Variants in USP6NL observed in about 807,000 individuals in gnomAD.
USP6NL encodes USP6 N-terminal-like protein.
In USP6NL, 26 loss-of-function variants were observed where a neutral mutation model predicts 61.9. The observed-to-expected ratio is 0.42, with a 90% CI of 0.31 to 0.58. The LOEUF (loss-of-function observed/expected upper bound fraction) is 0.58. Among genes scored for constraint, USP6NL ranks in the 20% least tolerant of loss-of-function variants. The pLI, the probability that USP6NL is intolerant of heterozygous loss-of-function variation, is 0.16. For synonymous variants in USP6NL, 432 were observed against 390.1 expected, an observed-to-expected ratio of 1.11 and a Z score of -1.27; for missense variants, 1,114 against 1,034.3, an observed-to-expected ratio of 1.08 and a Z score of -1.06.
rs2133380571 is a variant in USP6NL, at chr10:11,520,113, T to TA, written c.156-1540dup. Among the ~76,000 whole-genome samples, 1 of 152,352 alleles carries TA rather than the reference T, an allele frequency of 6.6e-6. No individual in the cohort carries two copies. Among genetic ancestry groups the TA allele is most frequent in the Admixed American group, 6.5e-5 (1 of 15,308 alleles). ...AGATAATACAACTAACATTTTCACT[T>TA]AGTCGAGAGACTTTTAGCACTAATT... is the stretch of plus-strand genomic sequence containing the variant. On this transcript the variant is annotated intron_variant, in intron 4 of 14. Coordinates refer to ENST00000609104, the MANE Select transcript of USP6NL (RefSeq NM_014688.5). This position sits in a 1 kb window ranked among gnomAD's most constrained non-coding sequence, Gnocchi z 5.2.
At position 11,489,897 on chromosome 10, in the gene USP6NL, C is replaced by G. The variant is rs922812824; in HGVS notation, c.544-675G>C. On this transcript the variant is annotated intron_variant, in intron 9 of 14. Coordinates refer to ENST00000609104, the MANE Select transcript of USP6NL (RefSeq NM_014688.5). This position sits in a 1 kb window ranked among gnomAD's most constrained non-coding sequence, Gnocchi z 5.7. The stretch of plus-strand genomic sequence containing the variant: ...CTGGAACAGAATGCTCACAATGAAT[C>G]TGTGGGTGCAATCTGAGCCGCAGTA... Among the ~76,000 whole-genome samples the G allele has an allele frequency of 6.6e-6, 1 of 152,232 alleles. No homozygotes were observed. The highest frequency in any genetic ancestry group is 6.5e-5 in the Admixed American group (1 of 15,294).
intron 13 of USP6NL, among the ~76,000 whole-genome samples, chr10:11,483,719 C>T (rs1411011682): frequency 9.7e-6 from 1 of 103,508 alleles, no homozygotes; most frequent in Non-Finnish European, 2.0e-5. Context: ...TGTTGGGGGG[C>T]CGGTGCGGGG....
chr10:11,485,975 A>G lies in USP6NL; in HGVS notation c.665-64T>C, dbSNP rs1215082042. On this transcript the variant is annotated intron_variant, in intron 10 of 14. Coordinates refer to ENST00000609104, the MANE Select transcript of USP6NL (RefSeq NM_014688.5). This position sits in a 1 kb window ranked among gnomAD's most constrained non-coding sequence, Gnocchi z 4.8. Reference sequence around the variant, plus strand: ...ACCAACAAAACCCTCCAATCTTAAAACACAACATATTTCATTTGTAACTGT... The same window carrying G: ...ACCAACAAAACCCTCCAATCTTAAAGCACAACATATTTCATTTGTAACTGT... 2 of 1,095,276 alleles carry G rather than the reference A, an allele frequency of 1.8e-6. No individual in the cohort carries two copies. The highest frequency in any genetic ancestry group is 2.6e-6 in the Non-Finnish European group (2 of 775,384). The allele number at this position is 1,095,276 out of a possible 1,614,324, so 67.8% of individuals were successfully genotyped here.
chr10:11,542,599 G>C (rs994956468), intron 2 of USP6NL, among the ~76,000 whole-genome samples: 37 of 152,228 alleles, frequency 2.4e-4, no homozygotes, highest in Non-Finnish European at 4.7e-4. Flanking sequence ...GGTGCCTGTA[G>C]TGCCAGCTAG....
At position 11,518,567 on chromosome 10, in the gene USP6NL, C is replaced by A. The variant is rs568746348; in HGVS notation, c.163G>T (p.Glu55Ter). The change falls in exon 5 of 15, where the codon GAG becomes TAG. Residue 55 changes from glutamate (E) to a stop codon, truncating the protein, a stop_gained. Transcript: ENST00000609104. LOFTEE classifies it high-confidence loss of function. The surrounding 1 kb of genome is among the most constrained non-coding windows in gnomAD (Gnocchi z 5.3). ...TDRFGFLHEE[E>*]LPDHNVAVER... ...ACAGCCACATTATGATCTGGGAGCT[C>A]CTCCTCACTGCAGAGGAAAAACAGT... is the stretch of plus-strand genomic sequence containing the variant. 69 of 1,612,516 alleles carry A rather than the reference C, an allele frequency of 4.3e-5. No individual in the cohort carries two copies. In the Middle Eastern group the frequency reaches 8.3e-4, roughly 19 times the overall value.
In USP6NL at chr10:11,462,802, C is replaced by G. The variant is rs775024695; in HGVS notation, c.2126G>C (p.Gly709Ala). The G allele has an allele frequency of 5.0e-6, 8 of 1,613,978 alleles. No individual in the cohort carries two copies. Among genetic ancestry groups the G allele is most frequent in the Middle Eastern group, 1.6e-4 (1 of 6,062 alleles). ...EVLPVDTGAGGYSGNSGSPKN... is the reference protein window; with the variant it reads ...EVLPVDTGAGAYSGNSGSPKN... The stretch of plus-strand genomic sequence containing the variant: ...TGGTGACCCTGAATTGCCCGAATAT[C>G]CCCCAGCACCAGTGTCAACAGGGAG... Residue 709 changes from glycine (G) to alanine (A), a missense_variant, in exon 15 of 15, where the codon GGA (glycine) becomes GCA (alanine). Transcript: ENST00000609104.
At chr10:11,546,816 C>T (rs541159524) in intron 2 of USP6NL, among the ~76,000 whole-genome samples, 5 of 152,176 alleles carry the variant, frequency 3.3e-5, no homozygotes, top group African/African-American at 7.2e-5. Flanking sequence ...AGTTAATTGC[C>T]TACTTCCTTT....
rs1197820176 is a variant in USP6NL at position 11,489,080 on chromosome 10, A to T, written c.664+22T>A. 1.9e-6 allele frequency: 3 copies of T among 1,611,902 alleles called. No individual in the cohort carries two copies. The highest frequency in any genetic ancestry group is 3.3e-5 in the Admixed American group (2 of 59,742). On this transcript the variant is annotated intron_variant, in intron 10 of 14. Transcript: ENST00000609104. This position sits in a 1 kb window ranked among gnomAD's most constrained non-coding sequence, Gnocchi z 5.7. ...TTTTTTCCCTACCTTGATTGTTTAG[A>T]TAAAGCACAGGGTTTTCTTACCATG...
chr10:11,569,853 GCTT>G (rs1177174521), intron 2 of USP6NL, among the ~76,000 whole-genome samples: 1 of 152,186 alleles, frequency 6.6e-6, no homozygotes, highest in Non-Finnish European at 1.5e-5. Flanking sequence ...AAATGATCAT[GCTT>G]CTTCTCGCCT....
intron 1 of USP6NL, among the ~76,000 whole-genome samples, chr10:11,606,273 T>C (rs1333611064): frequency 1.3e-5 from 2 of 152,208 alleles, no homozygotes; most frequent in Admixed American, 6.5e-5. Context: ...TTCCAGAATG[T>C]AGATGAAATA....
chr10:11,558,944 C>A (rs1031090011), intron 2 of USP6NL, among the ~76,000 whole-genome samples: 7 of 152,054 alleles, frequency 4.6e-5, no homozygotes, highest in South Asian at 4.2e-4. Context: ...CAACTACTAA[C>A]AATTTTTAAC....
chr10:11,506,555 A>G (rs1290754926), intron 6 of USP6NL, among the ~76,000 whole-genome samples: 1 of 152,072 alleles, frequency 6.6e-6, no homozygotes, highest in Non-Finnish European at 1.5e-5. Context: ...AAGCTGAGGC[A>G]GGACAATCAC....
At chr10:11,517,164 T>G (rs895259103) in intron 5 of USP6NL, among the ~76,000 whole-genome samples, 2 of 152,244 alleles carry the variant, frequency 1.3e-5, no homozygotes, top group Admixed American at 1.3e-4. Flanking sequence ...TCTCTGCCAG[T>G]CTTTATGTCA....
At chr10:11,552,521 T>G (rs1385138716) in intron 2 of USP6NL, among the ~76,000 whole-genome samples, 1 of 152,234 alleles carries the variant, frequency 6.6e-6, no homozygotes, top group African/African-American at 2.4e-5. Flanking sequence ...TGCCTACGGA[T>G]AGGGGTGGCT....
Position 11,592,554 on chromosome 10 carries a change from C to A in USP6NL, c.4+5077G>T, listed in dbSNP as rs1339788240. Among the ~76,000 whole-genome samples the A allele has an allele frequency of 6.6e-6, 1 of 152,198 alleles. No individual in the cohort carries two copies. Among genetic ancestry groups the A allele is most frequent in the African/African-American group, 2.4e-5 (1 of 41,448 alleles). ...CAAACATAAATGAGTCTTAATATAA[C>A]AAAAGGATACCTGTTATACTTTGTA... On this transcript the variant is annotated intron_variant, in intron 2 of 14. Transcript: ENST00000609104. The surrounding 1 kb of genome is among the most constrained non-coding windows in gnomAD (Gnocchi z 4.7).
intron 2 of USP6NL, among the ~76,000 whole-genome samples, chr10:11,558,361 T>G (rs1369673241): frequency 6.6e-6 from 1 of 152,170 alleles, no homozygotes; most frequent in East Asian, 1.9e-4. Context: ...GTTCCTCCAG[T>G]TTTTCTCCTC....
intron 3 of USP6NL, among the ~76,000 whole-genome samples, chr10:11,526,046 C>T (rs527535129): frequency 3.5e-4 from 53 of 150,064 alleles, no homozygotes; most frequent in African/African-American, 1.2e-3. Flanking sequence ...GTGTCGCTCA[C>T]TCCCTCTTCC....
At position 11,462,807 on chromosome 10, in the gene USP6NL, A is replaced by C; in HGVS notation, c.2121T>G (p.Ala707=). ...ACCCTGAATTGCCCGAATATCCCCC[A>C]GCACCAGTGTCAACAGGGAGGACTT... ...RIEVLPVDTG[A]GGYSGNSGSP... The change falls in exon 15 of 15, where the codon GCT becomes GCG. Residue 707 remains alanine (A), a synonymous_variant. Transcript: ENST00000609104. The C allele has an allele frequency of 1.9e-6, 3 of 1,614,012 alleles. No individual in the cohort carries two copies. The highest frequency in any genetic ancestry group is 2.5e-6 in the Non-Finnish European group (3 of 1,179,888).
At chr10:11,568,117 C>T (rs1837229300) in intron 2 of USP6NL, among the ~76,000 whole-genome samples, 4 of 151,652 alleles carry the variant, frequency 2.6e-5, no homozygotes, top group Admixed American at 2.6e-4. Flanking sequence ...ACTACTGTTA[C>T]CTGATGTATC....
Sources: gnomAD v4.1 joint callset for allele counts (sites outside exome capture counted in the v4.1 genomes callset) on GRCh38, gnomAD v4.1.1 for gene constraint, Gnocchi (gnomAD v3.1) non-coding constraint, MANE v1.5 for transcripts, NCBI Gene and HGNC (gene_info 2026-07-23, HGNC 2026-07-21) for gene names.